KIZ: variants seen among roughly 807,000 people sequenced by gnomAD.
KIZ encodes the protein centrosomal protein kizuna.
A neutral mutation model predicts 79.6 loss-of-function variants in KIZ; 68 were observed. The observed-to-expected ratio is 0.85, with a 90% CI of 0.70 to 1.05. The LOEUF is 1.05. Among genes scored for constraint, KIZ ranks in the 50% least tolerant of loss-of-function variants. The pLI, the probability that KIZ is intolerant of heterozygous loss-of-function variation, is 0.00. For missense variants in KIZ, 797 were observed against 800.4 expected (o/e 1.00, Z 0.05); for synonymous variants, 280 against 281.8 (o/e 0.99, Z 0.06).
intron 2 of KIZ, among the ~76,000 whole-genome samples, chr20:21,135,105 G>A (rs893531245): frequency 7.2e-5 from 11 of 152,116 alleles, no homozygotes; most frequent in Non-Finnish European, 1.5e-4. Flanking sequence ...TTATTTCATT[G>A]TTTTCTTTGT....
At chr20:21,238,388 AGAGT>A (rs1175095194) in intron 11 of KIZ, among the ~76,000 whole-genome samples, 4 of 150,920 alleles carry the variant, frequency 2.7e-5, no homozygotes, top group Non-Finnish European at 4.4e-5. Flanking sequence ...AGTGTGTGAG[AGAGT>A]GTGTGTGTGT....
At chr20:21,205,006 G>T (rs2035757156) in intron 6 of KIZ, among the ~76,000 whole-genome samples, 1 of 152,142 alleles carries the variant, frequency 6.6e-6, no homozygotes, top group Non-Finnish European at 1.5e-5. Flanking sequence ...GACCAGGCGT[G>T]GTGGCTCACC....
chr20:21,192,512 G>A (rs1184388297), intron 6 of KIZ, among the ~76,000 whole-genome samples: 1 of 151,948 alleles, frequency 6.6e-6, no homozygotes, highest in Non-Finnish European at 1.5e-5. Flanking sequence ...CAACTACAGT[G>A]CTCTGTGACC....
intron 6 of KIZ, among the ~76,000 whole-genome samples, chr20:21,190,069 C>T (rs1600493148): frequency 1.3e-5 from 2 of 152,204 alleles, no homozygotes; most frequent in African/African-American, 2.4e-5. Flanking sequence ...TGTATACAAA[C>T]TTCACTGTGG....
chr20:21,145,605 A>G lies in KIZ; in HGVS notation c.356A>G (p.Lys119Arg). 1 of 1,530,370 alleles carries G rather than the reference A, an allele frequency of 6.5e-7. No homozygotes were observed. Among genetic ancestry groups the G allele is most frequent in the Non-Finnish European group, 8.8e-7 (1 of 1,132,138 alleles). 94.8% of individuals were successfully genotyped at this position (1,530,370 alleles called of 1,614,324 possible). ...ETQIKKMLCS[K>R]DSLGLKEELT... is the part of the protein sequence containing the mutation. ...CAAATTAAGAAGATGCTATGCTCAA[A>G]AGATAGCCTGGGACTAAAAGAGGAA... The change falls in exon 4 of 13, where the codon AAA (lysine) becomes AGA (arginine). Residue 119 changes from lysine (K) to arginine (R), a missense_variant. Lys to Arg is a conservative substitution (Grantham distance 26). Transcript: ENST00000619189.
chr20:21,186,927 A>G (rs2034897564), intron 6 of KIZ, among the ~76,000 whole-genome samples: 1 of 152,108 alleles, frequency 6.6e-6, no homozygotes, highest in South Asian at 2.1e-4. Context: ...TAGACAAACA[A>G]GCACTTGAAT....
At chr20:21,147,995 G>GTGTGTGT (rs1555874718) in intron 4 of KIZ, among the ~76,000 whole-genome samples, 11 of 150,994 alleles carry the variant, frequency 7.3e-5, no homozygotes, top group East Asian at 1.9e-4. Context: ...GTGTGTGTGT[G>GTGTGTGT]GCAGCAGATG....
chr20:21,169,464 CT>C (rs1210499589), intron 6 of KIZ, among the ~76,000 whole-genome samples: 2 of 152,178 alleles, frequency 1.3e-5, no homozygotes, highest in African/African-American at 4.8e-5. Context: ...AATAGGAACA[CT>C]TTTACACTAT....
chr20:21,198,481 C>CTGAG (rs947872199), intron 6 of KIZ: 1 of 152,604 alleles, frequency 6.6e-6, no homozygotes, highest in Admixed American at 6.5e-5. Context: ...GTTTGGCTGG[C>CTGAG]TGAGTGAGTG....
intron 7 of KIZ, among the ~76,000 whole-genome samples, chr20:21,205,789 C>T (rs900671930): frequency 2.0e-5 from 3 of 151,928 alleles, no homozygotes; most frequent in Admixed American, 1.3e-4. Context: ...GATGAAACCC[C>T]GTCTCTATTA....
intron 9 of KIZ, among the ~76,000 whole-genome samples, chr20:21,219,033 G>A (rs1040106167): frequency 2.0e-5 from 3 of 152,166 alleles, no homozygotes; most frequent in African/African-American, 7.2e-5. Flanking sequence ...AAGAGAAGAC[G>A]TGGCTGAGGT....
intron 7 of KIZ, among the ~76,000 whole-genome samples, chr20:21,211,195 C>T (rs1028497366): frequency 6.6e-6 from 1 of 152,114 alleles, no homozygotes; most frequent in Admixed American, 6.6e-5. Flanking sequence ...AATATTTAAA[C>T]TGAACATGGA....
chr20:21,128,509 C>G (rs2031629512), intron 1 of KIZ, among the ~76,000 whole-genome samples: 1 of 152,166 alleles, frequency 6.6e-6, no homozygotes, highest in African/African-American at 2.4e-5. Context: ...GTGGTCATTG[C>G]AATGTTAGCT....
intron 6 of KIZ, among the ~76,000 whole-genome samples, chr20:21,165,293 GGA>G (rs2033877990): frequency 6.6e-6 from 1 of 152,168 alleles, no homozygotes; most frequent in Non-Finnish European, 1.5e-5. Context: ...AGGAGAAAGA[GGA>G]GGGAAAGAGC....
chr20:21,237,603 A>G (rs2037063036), intron 11 of KIZ, among the ~76,000 whole-genome samples: 1 of 151,952 alleles, frequency 6.6e-6, no homozygotes, highest in African/African-American at 2.4e-5. Flanking sequence ...ATGACCCACT[A>G]TTTCATGTCC....
At chr20:21,156,228 A>G (rs943541803) in intron 4 of KIZ, among the ~76,000 whole-genome samples, 4 of 152,192 alleles carry the variant, frequency 2.6e-5, no homozygotes, top group African/African-American at 4.8e-5. Flanking sequence ...ACCAACACAG[A>G]TACATTACTG....
At chr20:21,240,711 G>C (rs1023726250) in intron 11 of KIZ, among the ~76,000 whole-genome samples, 2 of 96,642 alleles carry the variant, frequency 2.1e-5, no homozygotes, top group Admixed American at 2.1e-4. Context: ...CAGTCCATAC[G>C]GCCCGCAAGC....
intron 6 of KIZ, among the ~76,000 whole-genome samples, chr20:21,190,540 AACCGG>A (rs2035066248): frequency 6.6e-6 from 1 of 152,218 alleles, no homozygotes; most frequent in African/African-American, 2.4e-5. Context: ...GCCTCGGGAT[AACCGG>A]TATGCCACAA....
intron 11 of KIZ, among the ~76,000 whole-genome samples, chr20:21,237,655 G>C: frequency 6.6e-6 from 1 of 152,090 alleles, no homozygotes; most frequent in East Asian, 1.9e-4. Context: ...CTTTTACCTG[G>C]TTAAGGCCTT....
Sources: allele counts gnomAD v4.1 joint callset (sites outside exome capture counted in the v4.1 genomes callset), GRCh38; gene constraint gnomAD v4.1.1; transcripts MANE v1.5; gene names NCBI Gene and HGNC (gene_info 2026-07-23, HGNC 2026-07-21).